ATP8A2: variants seen among roughly 807,000 people sequenced by gnomAD.
ATP8A2 encodes phospholipid-transporting ATPase IB.
In ATP8A2, 100 loss-of-function variants were observed where a neutral mutation model predicts 165.6. The observed-to-expected ratio is 0.60, with a 90% CI of 0.51 to 0.71. ATP8A2 has a LOEUF of 0.71. Ranked by LOEUF, ATP8A2 falls within the 30% of genes least tolerant of loss-of-function variation. The pLI is 0.00. For missense variants in ATP8A2, 1,227 were observed against 1,479.5 expected (o/e 0.83, Z 2.80); for synonymous variants, 543 against 548.8 (o/e 0.99, Z 0.15).
At chr13:25,385,085 G>A (rs2032992276) in intron 1 of ATP8A2, among the ~76,000 whole-genome samples, 1 of 152,218 alleles carries the variant, frequency 6.6e-6, no homozygotes, top group Non-Finnish European at 1.5e-5. Flanking sequence ...GATTTTCAGA[G>A]GGCCAGTGTT....
chr13:25,712,211 C>G (rs1191860442), intron 25 of ATP8A2, among the ~76,000 whole-genome samples: 4 of 152,160 alleles, frequency 2.6e-5, no homozygotes, highest in African/African-American at 9.7e-5. Flanking sequence ...TTAGACTGCT[C>G]TTTGACTTTT....
At chr13:25,542,570 C>A (rs1419113138) in intron 9 of ATP8A2, among the ~76,000 whole-genome samples, 1 of 152,042 alleles carries the variant, frequency 6.6e-6, no homozygotes, top group East Asian at 1.9e-4. Context: ...TGTTGGAGAG[C>A]AGTTTCTACC....
intron 28 of ATP8A2, among the ~76,000 whole-genome samples, chr13:25,833,851 A>G (rs761935705): frequency 9.9e-5 from 15 of 152,216 alleles, no homozygotes; most frequent in African/African-American, 2.2e-4. Context: ...TGGCAAAAGA[A>G]CCCATTTAAA....
At chr13:25,660,810 A>T (rs889915097) in intron 24 of ATP8A2, among the ~76,000 whole-genome samples, 1 of 152,170 alleles carries the variant, frequency 6.6e-6, no homozygotes, top group Non-Finnish European at 1.5e-5. Context: ...CAACAATACT[A>T]TACGTGGAAA....
chr13:25,927,743 C>T (rs546894471), intron 33 of ATP8A2, among the ~76,000 whole-genome samples: 3 of 152,328 alleles, frequency 2.0e-5, no homozygotes, highest in South Asian at 4.1e-4. Flanking sequence ...AGATGTTCAT[C>T]CATCTCTGCT....
chr13:25,474,675 T>C lies in ATP8A2; in HGVS notation c.221+5554T>C, dbSNP rs187865302. Among the ~76,000 whole-genome samples, 223 of 152,262 alleles carry C rather than the reference T, an allele frequency of 1.5e-3. 1 individual carries two copies. The highest frequency in any genetic ancestry group is 5.1e-3 in the African/African-American group (212 of 41,556). ...TAATATTAATGCTGAGATCCTAATTTTTTTTTTAACCTTGTTTTTTGGTTG... is the reference window on the plus strand; with the variant it reads ...TAATATTAATGCTGAGATCCTAATTCTTTTTTTAACCTTGTTTTTTGGTTG... On this transcript the variant is annotated intron_variant, in intron 2 of 36. Coordinates refer to ENST00000381655, the MANE Select transcript of ATP8A2 (RefSeq NM_016529.6).
chr13:25,896,327 A>T (rs1245514378), intron 33 of ATP8A2, among the ~76,000 whole-genome samples: 2 of 152,120 alleles, frequency 1.3e-5, no homozygotes, highest in African/African-American at 4.8e-5. Flanking sequence ...TTCAGTTTCC[A>T]TGTAGTTGAG....
At chr13:25,533,864 A>C (rs534185746) in intron 6 of ATP8A2, among the ~76,000 whole-genome samples, 19 of 152,230 alleles carry the variant, frequency 1.2e-4, no homozygotes, top group African/African-American at 4.6e-4. Flanking sequence ...ATTTAGAAGA[A>C]ATCTGCCATA....
At chr13:25,388,417 C>T (rs1593240386) in intron 1 of ATP8A2, among the ~76,000 whole-genome samples, 1 of 152,174 alleles carries the variant, frequency 6.6e-6, no homozygotes, top group African/African-American at 2.4e-5. Flanking sequence ...ACGTCTCTAA[C>T]AACCGAGCTC....
chr13:25,634,666 T>A (rs1314111386), intron 24 of ATP8A2, among the ~76,000 whole-genome samples: 1 of 152,188 alleles, frequency 6.6e-6, no homozygotes, highest in Non-Finnish European at 1.5e-5. Flanking sequence ...AGTTTGTCTC[T>A]GCCATTGTCT....
chr13:25,424,263 T>G (rs2138115206), intron 1 of ATP8A2, among the ~76,000 whole-genome samples: 1 of 152,336 alleles, frequency 6.6e-6, no homozygotes, highest in Middle Eastern at 3.4e-3. Context: ...TGATTCCATG[T>G]TTCCACTCAC....
intron 1 of ATP8A2, among the ~76,000 whole-genome samples, chr13:25,390,402 G>C (rs193300189): frequency 6.6e-6 from 1 of 152,254 alleles, no homozygotes; most frequent in East Asian, 1.9e-4. Context: ...GTATAATGTG[G>C]CTTGATGACT....
chr13:25,390,925 A>C (rs2033222959), intron 1 of ATP8A2, among the ~76,000 whole-genome samples: 1 of 111,270 alleles, frequency 9.0e-6, no homozygotes, highest in Non-Finnish European at 1.7e-5. Context: ...ACTCCGTCTC[A>C]AAAAAAAAAA....
intron 35 of ATP8A2, among the ~76,000 whole-genome samples, chr13:26,002,438 A>G (rs1392362359): frequency 1.3e-5 from 2 of 151,970 alleles, no homozygotes; most frequent in African/African-American, 2.4e-5. Flanking sequence ...TGGGGGAGGG[A>G]TAGCATCAGG....
At chr13:25,933,223 C>G (rs974014212) in intron 33 of ATP8A2, among the ~76,000 whole-genome samples, 2 of 152,198 alleles carry the variant, frequency 1.3e-5, no homozygotes, top group African/African-American at 4.8e-5. Flanking sequence ...GATAACATGG[C>G]AGGGCCAGCT....
At chr13:25,635,508 C>T (rs2041347363) in intron 24 of ATP8A2, among the ~76,000 whole-genome samples, 1 of 152,186 alleles carries the variant, frequency 6.6e-6, no homozygotes, top group Non-Finnish European at 1.5e-5. Context: ...ATCTCTGAGA[C>T]ATCCTCCTGC....
intron 27 of ATP8A2, among the ~76,000 whole-genome samples, chr13:25,818,866 A>G (rs1951091162): frequency 6.6e-6 from 1 of 152,230 alleles, no homozygotes; most frequent in Non-Finnish European, 1.5e-5. Context: ...TGGGGTAGCC[A>G]GATAACAATA....
chr13:26,006,030 A>G (rs542945023), intron 35 of ATP8A2, among the ~76,000 whole-genome samples: 15 of 151,942 alleles, frequency 9.9e-5, no homozygotes, highest in Non-Finnish European at 2.2e-4. Context: ...CAGCTTTTCT[A>G]TCTTTGCAAA....
chr13:25,626,821 G>A (rs931706621), intron 24 of ATP8A2, among the ~76,000 whole-genome samples: 14 of 152,142 alleles, frequency 9.2e-5, no homozygotes, highest in Non-Finnish European at 2.9e-5. Context: ...AAGGCAGAGG[G>A]TGAAGGAAGA....
Sources: gnomAD v4.1 joint callset for allele counts (sites outside exome capture counted in the v4.1 genomes callset) on GRCh38, gnomAD v4.1.1 for gene constraint, MANE v1.5 for transcripts, NCBI Gene and HGNC (gene_info 2026-07-23, HGNC 2026-07-21) for gene names.